Variants in DNAAF9 observed in about 807,000 individuals in gnomAD.
DNAAF9 encodes dynein axonemal assembly factor 9, also known as shulin.
In DNAAF9, 90 loss-of-function variants were observed where a neutral mutation model predicts 167.0. The observed-to-expected ratio is 0.54, with a 90% CI of 0.45 to 0.64. The LOEUF (loss-of-function observed/expected upper bound fraction) is 0.64, where lower values mean the gene tolerates loss of function less well. Among genes scored for constraint, DNAAF9 ranks in the 30% least tolerant of loss-of-function variants. The pLI is 0.00. For synonymous variants in DNAAF9, 491 were observed against 508.8 expected (o/e 0.96, Z 0.47); for missense variants, 1,315 against 1,442.2 (o/e 0.91, Z 1.43).
At chr20:3,317,467 T>C (rs2069524995) in intron 17 of DNAAF9, among the ~76,000 whole-genome samples, 1 of 152,014 alleles carries the variant, frequency 6.6e-6, no homozygotes, top group Non-Finnish European at 1.5e-5. Context: ...TAGGTATACA[T>C]ATTAAAGATC....
intron 10 of DNAAF9, among the ~76,000 whole-genome samples, chr20:3,339,922 C>T (rs2070045051): frequency 6.6e-6 from 1 of 152,164 alleles, no homozygotes; most frequent in Admixed American, 6.5e-5. Context: ...AAAACTAGTA[C>T]CTACTAACCA....
intron 1 of DNAAF9, among the ~76,000 whole-genome samples, chr20:3,388,503 C>T (rs1413140554): frequency 6.6e-6 from 1 of 152,122 alleles, no homozygotes; most frequent in East Asian, 1.9e-4. Context: ...AAAGAGATAC[C>T]TGTATACCCA....
chr20:3,279,968 A>G (rs1243112278), intron 28 of DNAAF9, among the ~76,000 whole-genome samples: 1 of 152,218 alleles, frequency 6.6e-6, no homozygotes, highest in African/African-American at 2.4e-5. Flanking sequence ...CCTTGGTGGC[A>G]GCAAATCTTC....
intron 27 of DNAAF9, among the ~76,000 whole-genome samples, chr20:3,283,739 T>C (rs2068801490): frequency 6.6e-6 from 1 of 152,206 alleles, no homozygotes; most frequent in Non-Finnish European, 1.5e-5. Context: ...ACTCAGATTG[T>C]AGGCTTAAAT....
intron 29 of DNAAF9, among the ~76,000 whole-genome samples, chr20:3,272,548 C>T (rs1292167955): frequency 6.6e-6 from 1 of 152,144 alleles, no homozygotes; most frequent in Non-Finnish European, 1.5e-5. Context: ...TTTTCAGTTC[C>T]TCTAGTGGTC....
At chr20:3,258,293 C>T (rs181333370) in intron 33 of DNAAF9, among the ~76,000 whole-genome samples, 139 of 152,224 alleles carry the variant, frequency 9.1e-4, no homozygotes, top group Middle Eastern at 3.4e-3. Context: ...GGTGTGGGGC[C>T]GAAGTTTCTG....
rs769325647 is a variant in DNAAF9 at position 3,340,564 on chromosome 20, G to A, written c.921C>T (p.Phe307=). 1 of 1,613,784 alleles carries A rather than the reference G, an allele frequency of 6.2e-7. No homozygotes were observed. The highest frequency in any genetic ancestry group is 1.1e-5 in the South Asian group (1 of 91,056). The change falls in exon 10 of 37, where the codon TTC becomes TTT. Residue 307 remains phenylalanine, a synonymous_variant. Transcript: ENST00000252032. ...TTCGTACCAGATGTCCTTCAGAAGG[G>A]AAGTTAAAGTTGCCAGCATTCAGGT... ...RENLNAGNFN[F]PSEGHLVRST...
intron 3 of DNAAF9, among the ~76,000 whole-genome samples, chr20:3,377,282 G>A (rs1344956830): frequency 1.3e-5 from 2 of 152,142 alleles, no homozygotes; most frequent in African/African-American, 4.8e-5. Context: ...GAAAGTGAAA[G>A]GGATTCTCTA....
intron 7 of DNAAF9, among the ~76,000 whole-genome samples, chr20:3,354,793 T>G (rs899309681): frequency 6.6e-6 from 1 of 152,200 alleles, no homozygotes; most frequent in African/African-American, 2.4e-5. Context: ...CTCTTCAGGA[T>G]GGATGAGAAG....
chr20:3,393,959 T>C (rs2083864324), intron 1 of DNAAF9, among the ~76,000 whole-genome samples: 1 of 152,248 alleles, frequency 6.6e-6, no homozygotes, highest in Non-Finnish European at 1.5e-5. Context: ...TCTTTTTCTA[T>C]GAGTGCATAC....
chr20:3,360,493 T>C (rs990475779), intron 6 of DNAAF9, among the ~76,000 whole-genome samples: 1 of 152,202 alleles, frequency 6.6e-6, no homozygotes, highest in African/African-American at 2.4e-5. Flanking sequence ...TAATAATAAC[T>C]TTTTTTACAC....
intron 23 of DNAAF9, chr20:3,295,936 T>C (rs373959092): frequency 2.5e-6 from 4 of 1,576,246 alleles, no homozygotes; most frequent in Middle Eastern, 1.7e-4. Context: ...ATATTTCCCC[T>C]GTCTCTGTGA....
chr20:3,326,904 CTCT>C (rs1163508152), intron 12 of DNAAF9, among the ~76,000 whole-genome samples: 1 of 152,038 alleles, frequency 6.6e-6, no homozygotes, highest in Non-Finnish European at 1.5e-5. Context: ...TCCTTGACTC[CTCT>C]ATGTGCAGGA....
intron 1 of DNAAF9, among the ~76,000 whole-genome samples, chr20:3,404,272 G>A (rs748238032): frequency 3.5e-4 from 54 of 152,180 alleles, no homozygotes; most frequent in Non-Finnish European, 2.4e-4. Flanking sequence ...CTGACCTCAG[G>A]TGATCCACCC....
rs546964447 is a variant in DNAAF9 at position 3,265,232 on chromosome 20, T to C, written c.2787-708A>G. On this transcript the variant is annotated intron_variant, in intron 30 of 36. Transcript: ENST00000252032. ...ATGAACATACATCCACTTTCAAATT[T>C]CCCCTTTTTGGTGGGGGAGGGTCCA... is the stretch of plus-strand genomic sequence containing the variant. Among the ~76,000 whole-genome samples the C allele has an allele frequency of 5.9e-5, 9 of 152,136 alleles. No homozygotes were observed. The East Asian group carries it at 1.7e-3, about 29-fold the overall frequency.
chr20:3,274,099 A>G (rs573829585), intron 29 of DNAAF9, among the ~76,000 whole-genome samples: 2 of 152,276 alleles, frequency 1.3e-5, no homozygotes, highest in African/African-American at 2.4e-5. Context: ...GTTCTTTTGA[A>G]TAACACAGGT....
At chr20:3,391,578 C>CTTTT (rs34396355) in intron 1 of DNAAF9, among the ~76,000 whole-genome samples, 35 of 120,920 alleles carry the variant, frequency 2.9e-4, no homozygotes, top group African/African-American at 3.2e-4. Flanking sequence ...TTTTTTCCTT[C>CTTTT]TTTTTTTTTT....
Position 3,323,147 on chromosome 20 carries a change from T to G in DNAAF9, c.1266-451A>C, listed in dbSNP as rs532555617. 6.7e-5 allele frequency among the ~76,000 whole-genome samples: 10 copies of G among 149,926 alleles called. No individual in the cohort carries two copies. The South Asian group carries it at 2.2e-3, about 32-fold the overall frequency. On this transcript the variant is annotated intron_variant, in intron 14 of 36. Coordinates refer to ENST00000252032, the MANE Select transcript of DNAAF9 (RefSeq NM_001009984.3). ...CTCTAACTTGTGTAAGTGTAATCTC[T>G]TGCATTAACACATACTAGATAGCTA...
At chr20:3,346,714 G>C (rs1172100259) in intron 8 of DNAAF9, among the ~76,000 whole-genome samples, 1 of 152,126 alleles carries the variant, frequency 6.6e-6, no homozygotes, top group African/African-American at 2.4e-5. Flanking sequence ...AATGGAGTGG[G>C]GAAAATGGGT....
Sources: allele counts gnomAD v4.1 joint callset (sites outside exome capture counted in the v4.1 genomes callset), GRCh38; gene constraint gnomAD v4.1.1; transcripts MANE v1.5; gene names NCBI Gene and HGNC (gene_info 2026-07-23, HGNC 2026-07-21).